MAPK8: variants seen among roughly 807,000 people sequenced by gnomAD.
The protein encoded by MAPK8 is JUN N-terminal kinase.
Under a neutral mutation model 52.9 loss-of-function variants are expected in MAPK8, and 13 were observed. That is an observed-to-expected ratio of 0.25 (90% CI 0.16 to 0.39). MAPK8 has a LOEUF of 0.39. Ranked by LOEUF, MAPK8 falls within the 10% of genes least tolerant of loss-of-function variation. The pLI is 1.00. For synonymous variants in MAPK8, 191 were observed against 169.8 expected (o/e 1.12, Z -0.97); for missense variants, 300 against 519.2 (o/e 0.58, Z 4.10).
At chr10:48,425,761 G>A in intron 7 of MAPK8, 127 bp from the exon 8 acceptor site, 1 of 532,732 alleles carries the variant, frequency 1.9e-6, no homozygotes, top group Non-Finnish European at 3.3e-6. Context: ...GTGCCTGTGA[G>A]ATATAAAATT....
At chr10:48,400,444 T>TTA (rs1165067475) in intron 1 of MAPK8, among the ~76,000 whole-genome samples, 1 of 152,202 alleles carries the variant, frequency 6.6e-6, no homozygotes, top group Non-Finnish European at 1.5e-5. Context: ...ATCTGAGTCA[T>TTA]TATAATAGTC....
At chr10:48,353,158 T>C (rs1846502347) in intron 1 of MAPK8, among the ~76,000 whole-genome samples, 1 of 152,200 alleles carries the variant, frequency 6.6e-6, no homozygotes, top group African/African-American at 2.4e-5. Flanking sequence ...ATGTTATAAA[T>C]GACTATTTTC....
chr10:48,352,042 A>G (rs2132444145), intron 1 of MAPK8, among the ~76,000 whole-genome samples: 1 of 152,322 alleles, frequency 6.6e-6, no homozygotes, highest in South Asian at 2.1e-4. Flanking sequence ...AAATTTGACA[A>G]CTTTGATGAA....
At chr10:48,374,478 A>AATTG (rs1353652364) in intron 1 of MAPK8, among the ~76,000 whole-genome samples, 1 of 151,344 alleles carries the variant, frequency 6.6e-6, no homozygotes, top group Admixed American at 6.6e-5. Flanking sequence ...AGATCAACAA[A>AATTG]ATAGACCGCT....
At chr10:48,388,140 C>A (rs2041421669) in intron 1 of MAPK8, among the ~76,000 whole-genome samples, 1 of 152,094 alleles carries the variant, frequency 6.6e-6, no homozygotes, top group Non-Finnish European at 1.5e-5. Context: ...TCCTTCTTGC[C>A]TGCCAGCTTT....
At chr10:48,376,763 TTGG>T (rs1412057569) in intron 1 of MAPK8, among the ~76,000 whole-genome samples, 15 of 152,304 alleles carry the variant, frequency 9.8e-5, no homozygotes, top group Admixed American at 6.5e-4. Flanking sequence ...TTTTGCACTG[TTGG>T]TGGGAGTGTA....
At chr10:48,342,806 C>G (rs1845433632) in intron 1 of MAPK8, among the ~76,000 whole-genome samples, 1 of 152,118 alleles carries the variant, frequency 6.6e-6, no homozygotes, top group Admixed American at 6.5e-5. Context: ...TTTGAATGTC[C>G]AGATGGAAAT....
At chr10:48,426,189 A>G (rs2043670863) in intron 8 of MAPK8, 119 bp downstream of exon 8, 1 of 1,018,866 alleles carries the variant, frequency 9.8e-7, no homozygotes, top group Admixed American at 3.0e-5. Flanking sequence ...TTTTCTCTGG[A>G]TGGTGGGGAA....
intron 1 of MAPK8, among the ~76,000 whole-genome samples, chr10:48,372,225 A>C (rs868356604): frequency 2.0e-5 from 3 of 152,084 alleles, no homozygotes; most frequent in South Asian, 2.1e-4. Context: ...AATAGTACCA[A>C]CATCAAAGAC....
Position 48,401,691 on chromosome 10 carries a change from T to C in MAPK8, c.31T>C (p.Tyr11His), listed in dbSNP as rs760960935. Residue 11 changes from tyrosine to histidine, a missense_variant, in exon 2 of 12, where the codon TAT becomes CAT. Tyr to His is a moderately conservative substitution (Grantham distance 83, BLOSUM62 2). Coordinates refer to ENST00000374189, the MANE Select transcript of MAPK8 (RefSeq NM_001323329.2). ...CAGAAGCAAGCGTGACAACAATTTT[T>C]ATAGTGTAGAGATTGGAGATTCTAC... MSRSKRDNNF[Y>H]SVEIGDSTFT... 1.2e-6 allele frequency: 2 copies of C among 1,609,476 alleles called. No homozygotes were observed. Among genetic ancestry groups the C allele is most frequent in the East Asian group, 4.5e-5 (2 of 44,356 alleles).
chr10:48,330,696 T>A (rs1844049236), intron 1 of MAPK8, among the ~76,000 whole-genome samples: 1 of 152,146 alleles, frequency 6.6e-6, no homozygotes, highest in African/African-American at 2.4e-5. Flanking sequence ...AGCACGCAGG[T>A]CTCTTCCCCA....
At chr10:48,378,039 G>A (rs1339904250) in intron 1 of MAPK8, among the ~76,000 whole-genome samples, 1 of 152,048 alleles carries the variant, frequency 6.6e-6, no homozygotes, top group African/African-American at 2.4e-5. Flanking sequence ...ATACCTTTTT[G>A]GGACTGATAA....
In MAPK8 at chr10:48,438,497, A is replaced by T. The variant is rs1342838179; in HGVS notation, c.*3468A>T. On this transcript the variant is annotated 3_prime_UTR_variant, in exon 12 of 12. Transcript: ENST00000374189. ...TCTTAAGGAGAGTCTAGTAACAGTA[A>T]CACTTTCTGGCCATTTCTAGTTTAG... 6.6e-6 allele frequency: 1 copy of T among 152,224 alleles called. No homozygotes were observed. The highest frequency in any genetic ancestry group is 1.5e-5 in the Non-Finnish European group (1 of 68,036). The allele number at this position is 152,224 out of a possible 1,614,324, so 9.4% of individuals were successfully genotyped here. A position where few individuals can be genotyped will look rare whatever the true frequency, so the allele number is the denominator to read the frequency against.
chr10:48,346,903 C>T (rs1845840387), intron 1 of MAPK8, among the ~76,000 whole-genome samples: 1 of 152,210 alleles, frequency 6.6e-6, no homozygotes, highest in Admixed American at 6.5e-5. Flanking sequence ...GGACATGTGA[C>T]CCACGTGACC....
chr10:48,342,696 G>C (rs1845416106), intron 1 of MAPK8, among the ~76,000 whole-genome samples: 1 of 152,188 alleles, frequency 6.6e-6, no homozygotes, highest in South Asian at 2.1e-4. Flanking sequence ...TAACTCCTCA[G>C]AGTAGTTGTG....
At position 48,435,032 on chromosome 10, in the gene MAPK8, A is replaced by T; in HGVS notation, c.*3A>T. 2 of 906,744 alleles carry T rather than the reference A, an allele frequency of 2.2e-6. No individual in the cohort carries two copies. The highest frequency in any genetic ancestry group is 6.0e-5 in the East Asian group (1 of 16,552). 56.2% of individuals were successfully genotyped at this position (906,744 alleles called of 1,614,324 possible). Reference sequence around the variant, plus strand: ...GGCCTCTGGGCTGCTGTAGATGACTACTTGGGCCATCGGGGGGTGGGAGGG... The same window carrying T: ...GGCCTCTGGGCTGCTGTAGATGACTTCTTGGGCCATCGGGGGGTGGGAGGG... On this transcript the variant is annotated 3_prime_UTR_variant, in exon 12 of 12. Coordinates refer to ENST00000374189, the MANE Select transcript of MAPK8 (RefSeq NM_001323329.2).
At chr10:48,315,506 G>C (rs1458443397) in intron 1 of MAPK8, among the ~76,000 whole-genome samples, 1 of 151,858 alleles carries the variant, frequency 6.6e-6, no homozygotes, top group Non-Finnish European at 1.5e-5. Context: ...TCCAAGAATA[G>C]GAAAAACAAC....
chr10:48,319,203 CAT>C (rs1451345128), intron 1 of MAPK8, among the ~76,000 whole-genome samples: 2 of 152,122 alleles, frequency 1.3e-5, no homozygotes, highest in South Asian at 2.1e-4. Context: ...CATAGTGTGT[CAT>C]GTGTAATAAG....
At chr10:48,399,195 C>T (rs1261296479) in intron 1 of MAPK8, among the ~76,000 whole-genome samples, 1 of 152,174 alleles carries the variant, frequency 6.6e-6, no homozygotes, top group East Asian at 1.9e-4. Flanking sequence ...TTCAGTCAGG[C>T]AGGTAGCCAT....
Sources: allele counts gnomAD v4.1 joint callset (sites outside exome capture counted in the v4.1 genomes callset), GRCh38; gene constraint gnomAD v4.1.1; transcripts MANE v1.5; gene names NCBI Gene and HGNC (gene_info 2026-07-23, HGNC 2026-07-21).